Variants in ROBO1 observed in about 807,000 individuals in gnomAD.
ROBO1 encodes roundabout guidance receptor 1, also known as roundabout homolog 1.
ROBO1 carries 149 observed loss-of-function variants against 195.9 expected under a neutral mutation model. The ratio of observed to expected loss-of-function variants is 0.76; its 90% CI spans 0.67 to 0.87. The LOEUF is 0.87. Among genes scored for constraint, ROBO1 ranks in the 40% least tolerant of loss-of-function variants. The pLI, the probability that ROBO1 is intolerant of heterozygous loss-of-function variation, is 0.00. For missense variants in ROBO1, 1,933 were observed against 2,068.3 expected (o/e 0.93, Z 1.27); for synonymous variants, 816 against 733.2 (o/e 1.11, Z -1.82).
intron 2 of ROBO1, among the ~76,000 whole-genome samples, chr3:79,432,663 A>C (rs1424735356): frequency 6.6e-6 from 1 of 152,130 alleles, no homozygotes; most frequent in Non-Finnish European, 1.5e-5. Flanking sequence ...GATAGAGAGC[A>C]AGAGAACTTG....
chr3:79,661,982 T>C (rs996927933), intron 1 of ROBO1, among the ~76,000 whole-genome samples: 3 of 152,038 alleles, frequency 2.0e-5, no homozygotes, highest in African/African-American at 7.2e-5. Flanking sequence ...CTCTGAAAAC[T>C]GTTAAAATTT....
chr3:78,744,074 A>G (rs2082597924), intron 5 of ROBO1, among the ~76,000 whole-genome samples: 1 of 152,142 alleles, frequency 6.6e-6, no homozygotes, highest in African/African-American at 2.4e-5. Flanking sequence ...TCCAATAAGC[A>G]TTTCAAAATT....
At chr3:79,381,040 G>A (rs1575750397) in intron 2 of ROBO1, among the ~76,000 whole-genome samples, 1 of 152,144 alleles carries the variant, frequency 6.6e-6, no homozygotes, top group Admixed American at 6.5e-5. Flanking sequence ...AGCAGAGAGA[G>A]CAAGATGACT....
intron 3 of ROBO1, among the ~76,000 whole-genome samples, chr3:78,962,699 C>T (rs919477433): frequency 6.6e-6 from 1 of 151,772 alleles, no homozygotes; most frequent in Non-Finnish European, 1.5e-5. Context: ...GTGGCGGCGC[C>T]TGTAGTCCCA....
intron 2 of ROBO1, among the ~76,000 whole-genome samples, chr3:79,142,098 G>A (rs1014416934): frequency 6.6e-5 from 10 of 151,918 alleles, no homozygotes; most frequent in South Asian, 2.1e-4. Context: ...GGAAATTGGC[G>A]AAACTTAAGA....
At chr3:79,338,197 A>C (rs2034757363) in intron 2 of ROBO1, among the ~76,000 whole-genome samples, 1 of 152,214 alleles carries the variant, frequency 6.6e-6, no homozygotes, top group African/African-American at 2.4e-5. Context: ...AATCTTATAC[A>C]AACATATCAG....
At chr3:78,852,171 G>A (rs2034109162) in intron 4 of ROBO1, among the ~76,000 whole-genome samples, 1 of 151,982 alleles carries the variant, frequency 6.6e-6, no homozygotes, top group Admixed American at 6.6e-5. Flanking sequence ...AATCCCTAAA[G>A]CCATTTAGGG....
chr3:79,512,399 T>G (rs1462303798), intron 2 of ROBO1, among the ~76,000 whole-genome samples: 1 of 152,188 alleles, frequency 6.6e-6, no homozygotes, highest in Non-Finnish European at 1.5e-5. Flanking sequence ...ATAGCTTATC[T>G]ATTTATTTTG....
chr3:79,064,088 G>T (rs1339779078), intron 3 of ROBO1, among the ~76,000 whole-genome samples: 1 of 151,838 alleles, frequency 6.6e-6, no homozygotes, highest in Admixed American at 6.6e-5. Context: ...TGGAAGAGAA[G>T]ATTTTGAATC....
intron 1 of ROBO1, among the ~76,000 whole-genome samples, chr3:79,736,574 C>T (rs1450989042): frequency 6.6e-6 from 1 of 152,100 alleles, no homozygotes; most frequent in Non-Finnish European, 1.5e-5. Flanking sequence ...TAACTTTCAA[C>T]ATTTATCTTA....
chr3:79,042,073 C>A (rs1440872713), intron 3 of ROBO1, among the ~76,000 whole-genome samples: 3 of 151,986 alleles, frequency 2.0e-5, no homozygotes, highest in Non-Finnish European at 4.4e-5. Context: ...ATATCATTCC[C>A]CAGAATAATA....
In ROBO1 at chr3:79,727,324, C is replaced by T. The variant is rs139485812; in HGVS notation, c.-51+40428G>A. ...TGAAATATTTTGAATTCTTAAGTTA[C>T]ATTAATGTAGCTAATATGATTAATT... is the stretch of plus-strand genomic sequence containing the variant. On this transcript the variant is annotated intron_variant, in intron 1 of 30. Coordinates refer to ENST00000464233, the MANE Select transcript of ROBO1 (RefSeq NM_002941.4). Among the ~76,000 whole-genome samples the T allele has an allele frequency of 6.4e-3, 969 of 151,990 alleles. 7 individuals are homozygous for T. The highest frequency in any genetic ancestry group is 0.02 in the African/African-American group (836 of 41,448).
chr3:79,239,505 A>G (rs182097968), intron 2 of ROBO1, among the ~76,000 whole-genome samples: 42 of 152,274 alleles, frequency 2.8e-4, no homozygotes, highest in African/African-American at 9.6e-4. Flanking sequence ...CAGCTTTTAT[A>G]TAATTATAGA....
At chr3:78,836,652 C>T (rs963241285) in intron 4 of ROBO1, among the ~76,000 whole-genome samples, 1 of 151,672 alleles carries the variant, frequency 6.6e-6, no homozygotes, top group Non-Finnish European at 1.5e-5. Context: ...AGACACAGAA[C>T]AACAACCATT....
rs190153151 is a variant in ROBO1, at chr3:79,343,071, C to T, written c.89-217532G>A. 1.3e-3 allele frequency among the ~76,000 whole-genome samples: 194 copies of T among 152,230 alleles called. 1 individual carries two copies. The Middle Eastern group carries it at 0.017, about 13-fold the overall frequency. On this transcript the variant is annotated intron_variant, in intron 2 of 30. Coordinates refer to ENST00000464233, the MANE Select transcript of ROBO1 (RefSeq NM_002941.4). The stretch of plus-strand genomic sequence containing the variant: ...ACTGTTTTTGTAGTTTTGCCTTTTT[C>T]GGAATGTCATATTGTTGGAATCATA...
At chr3:79,502,109 CCTCA>C (rs899839233) in intron 2 of ROBO1, among the ~76,000 whole-genome samples, 17 of 152,192 alleles carry the variant, frequency 1.1e-4, no homozygotes, top group African/African-American at 3.9e-4. Flanking sequence ...CCCTCGCAGC[CCTCA>C]CTCGTTATCC....
At chr3:79,488,521 G>C (rs1169731130) in intron 2 of ROBO1, among the ~76,000 whole-genome samples, 1 of 152,130 alleles carries the variant, frequency 6.6e-6, no homozygotes, top group East Asian at 1.9e-4. Flanking sequence ...ATAATTTCCA[G>C]TGTGTGATAA....
At chr3:78,652,455 C>T (rs893525093) in intron 18 of ROBO1, among the ~76,000 whole-genome samples, 1 of 152,076 alleles carries the variant, frequency 6.6e-6, no homozygotes, top group Non-Finnish European at 1.5e-5. Flanking sequence ...GGAAAAGTCT[C>T]TATGTGTGTG....
At chr3:78,878,384 G>T (rs1166309184) in intron 4 of ROBO1, among the ~76,000 whole-genome samples, 5 of 151,918 alleles carry the variant, frequency 3.3e-5, no homozygotes, top group Admixed American at 6.6e-5. Flanking sequence ...TCAGGAGTTT[G>T]AGACCAGCCT....
Sources: allele counts gnomAD v4.1 joint callset (sites outside exome capture counted in the v4.1 genomes callset), GRCh38; gene constraint gnomAD v4.1.1; transcripts MANE v1.5; gene names NCBI Gene and HGNC (gene_info 2026-07-23, HGNC 2026-07-21).